The following KCNT1 variants were observed in gnomAD, a reference collection of about 807,000 sequenced individuals.
KCNT1 encodes potassium sodium-activated channel subfamily T member 1.
In KCNT1, 78 loss-of-function variants were observed where a neutral mutation model predicts 147.8. That is an observed-to-expected ratio of 0.53 (90% CI 0.44 to 0.64). The LOEUF (loss-of-function observed/expected upper bound fraction) is 0.64, where lower values mean the gene tolerates loss of function less well. Ranked by LOEUF, KCNT1 falls within the 30% of genes least tolerant of loss-of-function variation. The pLI is 0.00. For synonymous variants in KCNT1, 867 were observed against 748.8 expected (o/e 1.16, Z -2.58); for missense variants, 1,419 against 1,750.3 (o/e 0.81, Z 3.38).
At chr9:135,779,763 C>T (rs569455757) in intron 24 of KCNT1, among the ~76,000 whole-genome samples, 3 of 152,378 alleles carry the variant, frequency 2.0e-5, no homozygotes, top group African/African-American at 7.2e-5. Flanking sequence ...ATCTGGAGGC[C>T]AAGGCCATCT....
chr9:135,784,484 T>TGCCCCCC, intron 25 of KCNT1, 51 bp from the exon 26 acceptor site: 1 of 57,652 alleles, frequency 1.7e-5, no homozygotes, highest in Non-Finnish European at 3.0e-5. Flanking sequence ...TCACTGTGGC[T>TGCCCCCC]CCCTCCCTCC....
intron 2 of KCNT1, among the ~76,000 whole-genome samples, chr9:135,740,072 G>A (rs1165662467): frequency 6.6e-6 from 1 of 152,126 alleles, no homozygotes; most frequent in Admixed American, 6.5e-5. Flanking sequence ...CCCGCTATGT[G>A]TGTCTGTGTC....
intron 2 of KCNT1, among the ~76,000 whole-genome samples, chr9:135,742,596 A>G (rs1830621404): frequency 7.5e-6 from 1 of 133,240 alleles, no homozygotes; most frequent in Non-Finnish European, 1.7e-5. Context: ...CGGGGGCGCC[A>G]AAGGTCCGGG....
In KCNT1 at chr9:135,788,017, A is replaced by G. The variant is rs11103189; in HGVS notation, c.3502+1496A>G. 260,337 of 1,065,138 alleles carry G rather than the reference A, an allele frequency of 0.24. 32,888 individuals are homozygous for G. Among genetic ancestry groups the G allele is most frequent in the East Asian group, 0.29 (12,325 of 41,834 alleles). The allele number at this position is 1,065,138 out of a possible 1,614,324, so 66.0% of individuals were successfully genotyped here. ...CGTGCAGCTGCCCCTGCACCCGCCC[A>G]CTGTGCCGGCCGCCCGCACCTCGCT... On this transcript the variant is annotated intron_variant, in intron 29 of 30. Coordinates refer to ENST00000371757, the MANE Select transcript of KCNT1 (RefSeq NM_020822.3).
intron 29 of KCNT1, among the ~76,000 whole-genome samples, chr9:135,786,929 G>A (rs554388685): frequency 9.3e-4 from 142 of 152,340 alleles, no homozygotes; most frequent in African/African-American, 3.2e-3. Context: ...GGGCCAGGCT[G>A]GGCTCCCCAA....
intron 3 of KCNT1, chr9:135,750,485 C>A (rs1831088935): frequency 4.0e-6 from 2 of 499,670 alleles, no homozygotes; most frequent in African/African-American, 3.9e-5. Flanking sequence ...TAGGTGCCAG[C>A]AAGGTCTCCC....
chr9:135,761,147 C>T lies in KCNT1; in HGVS notation c.1035+1288C>T, dbSNP rs187104559. Reference sequence around the variant, plus strand: ...CCCCAGAAATAGCTGGGATTACAGGCGGCTTGGCTTTGATTCACCAATCTT... The same window carrying T: ...CCCCAGAAATAGCTGGGATTACAGGTGGCTTGGCTTTGATTCACCAATCTT... On this transcript the variant is annotated intron_variant, in intron 11 of 30. Coordinates refer to ENST00000371757, the MANE Select transcript of KCNT1 (RefSeq NM_020822.3). 3.9e-3 allele frequency among the ~76,000 whole-genome samples: 587 copies of T among 152,310 alleles called. 3 individuals carry two copies. The highest frequency in any genetic ancestry group is 0.014 in the African/African-American group (563 of 41,552).
rs370758289 is a variant in KCNT1 at position 135,731,036 on chromosome 9, G to A, written c.254+16316G>A. Among the ~76,000 whole-genome samples, 4 of 138,906 alleles carry A rather than the reference G, an allele frequency of 2.9e-5. No homozygotes were observed. The South Asian group carries it at 9.8e-4, about 34-fold the overall frequency. The allele number at this position is 138,906 out of a possible 152,430, so 91.1% of individuals were successfully genotyped here. ...AAAGTGTGGTTTAGCAATTGAATTT[G>A]TGGTCATTTGTAACCACAGCAGCAG... On this transcript the variant is annotated intron_variant, in intron 2 of 30. Transcript: ENST00000371757.
intron 24 of KCNT1, among the ~76,000 whole-genome samples, chr9:135,782,411 G>A (rs1284087473): frequency 1.3e-5 from 2 of 152,142 alleles, no homozygotes; most frequent in African/African-American, 4.8e-5. Flanking sequence ...CTTTCACATG[G>A]TCAGCCTGTG....
intron 29 of KCNT1, among the ~76,000 whole-genome samples, chr9:135,786,745 G>A (rs1834085480): frequency 6.6e-6 from 1 of 152,262 alleles, no homozygotes; most frequent in African/African-American, 2.4e-5. Context: ...GAGGGAAGTG[G>A]CCATGGCCCA....
chr9:135,758,818 T>C (rs1588328330), intron 10 of KCNT1, among the ~76,000 whole-genome samples: 1 of 152,210 alleles, frequency 6.6e-6, no homozygotes, highest in Non-Finnish European at 1.5e-5. Context: ...GTGGGGTCTC[T>C]TGGCTGAGGC....
chr9:135,785,231 C>T (rs1054882289), intron 27 of KCNT1, 79 bp from the exon 28 acceptor site: 22 of 1,585,548 alleles, frequency 1.4e-5, no homozygotes, highest in East Asian at 6.7e-5. Context: ...AAGCATGTTC[C>T]GTGCAGACCC....
intron 17 of KCNT1, 128 bp from the exon 18 acceptor site, chr9:135,770,729 C>T (rs1832694150): frequency 1.0e-6 from 1 of 974,142 alleles, no homozygotes; most frequent in African/African-American, 1.6e-5. Context: ...GTCCCTGACC[C>T]CAAATGGCCC....
chr9:135,760,809 G>A (rs548874840), intron 11 of KCNT1, among the ~76,000 whole-genome samples: 193 of 152,340 alleles, frequency 1.3e-3, no homozygotes, highest in African/African-American at 4.5e-3. Context: ...GGCCGTGCGC[G>A]TCTTTCCATC....
chr9:135,771,163 G>A lies in KCNT1; in HGVS notation c.2008+68G>A, dbSNP rs898404735. 42 of 1,419,074 alleles carry A rather than the reference G, an allele frequency of 3.0e-5. 1 individual carries two copies. Among genetic ancestry groups the A allele is most frequent in the Admixed American group, 3.9e-5 (2 of 51,758 alleles). 87.9% of individuals were successfully genotyped at this position (1,419,074 alleles called of 1,614,324 possible). A position where few individuals can be genotyped will look rare whatever the true frequency, so the allele number is the denominator to read the frequency against. On this transcript the variant is annotated intron_variant, in intron 18 of 30. Coordinates refer to ENST00000371757, the MANE Select transcript of KCNT1 (RefSeq NM_020822.3). ...TTGGCGGGAGACCAGGCGGGACACC[G>A]GCAGGTGACCAGGTGGGATGGGAGA...
chr9:135,773,131 A>T (rs1037120656), intron 19 of KCNT1, among the ~76,000 whole-genome samples, 182 bp downstream of exon 19: 5 of 152,240 alleles, frequency 3.3e-5, no homozygotes, highest in Non-Finnish European at 4.4e-5. Context: ...CATCAGGGCC[A>T]CATCACCCTC....
chr9:135,757,730 A>G (rs1354722821), intron 9 of KCNT1, among the ~76,000 whole-genome samples: 1 of 152,146 alleles, frequency 6.6e-6, no homozygotes, highest in African/African-American at 2.4e-5. Context: ...CCACGGGGCC[A>G]CAGGCAGGCC....
intron 13 of KCNT1, among the ~76,000 whole-genome samples, chr9:135,767,210 C>A (rs575403241): frequency 2.2e-4 from 33 of 152,314 alleles, no homozygotes; most frequent in South Asian, 4.1e-4. Context: ...TGGAACGCCA[C>A]CTCTTTTGTG....
intron 5 of KCNT1, among the ~76,000 whole-genome samples, chr9:135,754,507 G>A (rs1831365843): frequency 6.6e-6 from 1 of 152,142 alleles, no homozygotes; most frequent in African/African-American, 2.4e-5. Context: ...GGGGCAACTG[G>A]GGTGCCTGGT....
Sources: gnomAD v4.1 joint callset for allele counts (sites outside exome capture counted in the v4.1 genomes callset) on GRCh38, gnomAD v4.1.1 for gene constraint, MANE v1.5 for transcripts, NCBI Gene and HGNC (gene_info 2026-07-23, HGNC 2026-07-21) for gene names.